CALN1: variants seen among roughly 807,000 people sequenced by gnomAD.
The protein encoded by CALN1 is calneuron 1.
CALN1 carries 17 observed loss-of-function variants against 30.6 expected under a neutral mutation model. The ratio of observed to expected loss-of-function variants is 0.56; its 90% CI spans 0.38 to 0.83. The LOEUF is 0.83. Among genes scored for constraint, CALN1 ranks in the 40% least tolerant of loss-of-function variants. CALN1 has a pLI of 0.00. For synonymous variants in CALN1, 156 were observed against 131.4 expected, an observed-to-expected ratio of 1.19 and a Z score of -1.28; for missense variants, 291 against 354.9, an observed-to-expected ratio of 0.82 and a Z score of 1.45.
In CALN1 at chr7:72,403,259, G is replaced by A. The variant is rs1328122015; in HGVS notation, c.111C>T (p.Phe37=). 5 of 1,549,250 alleles carry A rather than the reference G, an allele frequency of 3.2e-6. No homozygotes were observed. The highest frequency in any genetic ancestry group is 2.0e-5 in the Admixed American group (1 of 51,000). ...EEPPRSQAPD[F]PTWEKMPFHH... ...GGGGGAAGAAGACTTGCCAGGTGGGGAAGTCGGGGGCCTGGCTCCTCGGCG... is the reference window on the plus strand; with the variant it reads ...GGGGGAAGAAGACTTGCCAGGTGGGAAAGTCGGGGGCCTGGCTCCTCGGCG... The change falls in exon 2 of 7, where the codon TTC becomes TTT. Residue 37 remains phenylalanine (F), a synonymous_variant. Transcript: ENST00000395275.
At chr7:72,119,069 T>C (rs1161547451) in intron 3 of CALN1, among the ~76,000 whole-genome samples, 1 of 152,226 alleles carries the variant, frequency 6.6e-6, no homozygotes, top group East Asian at 1.9e-4. Context: ...GTGAACTTTC[T>C]GTGTGGTGAG....
chr7:72,074,013 A>G lies in CALN1; in HGVS notation c.388+32138T>C, dbSNP rs545449369. Among the ~76,000 whole-genome samples the G allele has an allele frequency of 3.3e-5, 5 of 152,262 alleles. No homozygotes were observed. In the East Asian group the frequency reaches 9.7e-4, roughly 29 times the overall value. ...CCTGGCCTGGTCCCTCTTTCAATAA[A>G]TATTTGATCAGCACCTATTAGGTGC... On this transcript the variant is annotated intron_variant, in intron 4 of 6. Transcript: ENST00000395275.
At chr7:72,349,205 A>G (rs924252534) in intron 2 of CALN1, among the ~76,000 whole-genome samples, 13 of 152,102 alleles carry the variant, frequency 8.5e-5, no homozygotes, top group Non-Finnish European at 1.9e-4. Flanking sequence ...AGGTGGGACA[A>G]TATCAAGCTA....
At chr7:72,144,110 G>T (rs1480634036) in intron 3 of CALN1, among the ~76,000 whole-genome samples, 1 of 152,080 alleles carries the variant, frequency 6.6e-6, no homozygotes, top group Non-Finnish European at 1.5e-5. Flanking sequence ...GACAGGATCA[G>T]ATTCACACAT....
At chr7:72,032,389 C>T (rs932274205) in intron 4 of CALN1, among the ~76,000 whole-genome samples, 1 of 152,152 alleles carries the variant, frequency 6.6e-6, no homozygotes, top group East Asian at 1.9e-4. Flanking sequence ...CAGGGTCTCA[C>T]TATGTTGCCC....
chr7:72,377,633 A>G (rs969263020), intron 2 of CALN1, among the ~76,000 whole-genome samples: 1 of 152,114 alleles, frequency 6.6e-6, no homozygotes, highest in Non-Finnish European at 1.5e-5. Flanking sequence ...CTAATTTTGT[A>G]AAGTCTGTAT....
intron 4 of CALN1, among the ~76,000 whole-genome samples, chr7:72,025,157 A>G (rs541757515): frequency 2.0e-5 from 3 of 152,216 alleles, no homozygotes; most frequent in African/African-American, 7.2e-5. Context: ...CTAAAAGTAC[A>G]AAATTAGCTG....
At chr7:72,441,797 C>T (rs900881235) in intron 1 of CALN1, among the ~76,000 whole-genome samples, 1 of 151,902 alleles carries the variant, frequency 6.6e-6, no homozygotes, top group Non-Finnish European at 1.5e-5. Context: ...GAACTCAGTT[C>T]GTCGTCTCTT....
intron 2 of CALN1, among the ~76,000 whole-genome samples, chr7:72,365,869 C>T (rs1456556997): frequency 5.9e-5 from 9 of 152,156 alleles, no homozygotes; most frequent in Admixed American, 3.3e-4. Context: ...CGTACCCTCT[C>T]GCCCAGTTGG....
chr7:72,249,074 C>G (rs1795376716), intron 3 of CALN1, among the ~76,000 whole-genome samples: 1 of 152,158 alleles, frequency 6.6e-6, no homozygotes, highest in Admixed American at 6.5e-5. Flanking sequence ...CACTGAAAAA[C>G]CACATGGGTT....
intron 2 of CALN1, among the ~76,000 whole-genome samples, chr7:72,380,695 ATACAT>A (rs201664356): frequency 6.8e-6 from 1 of 147,862 alleles, no homozygotes; most frequent in Non-Finnish European, 1.5e-5. Context: ...GGATGGATAC[ATACAT>A]TAGATTAGAT....
At chr7:71,880,287 T>C (rs1423096058) in intron 5 of CALN1, among the ~76,000 whole-genome samples, 2 of 152,226 alleles carry the variant, frequency 1.3e-5, no homozygotes, top group Non-Finnish European at 2.9e-5. Context: ...CTCCATGTGA[T>C]AGCATTCTCC....
At chr7:72,287,315 T>G (rs1013227988) in intron 2 of CALN1, among the ~76,000 whole-genome samples, 7 of 152,162 alleles carry the variant, frequency 4.6e-5, no homozygotes, top group Admixed American at 6.5e-5. Flanking sequence ...ATCATTGCTG[T>G]GCCGATCTTT....
intron 1 of CALN1, among the ~76,000 whole-genome samples, chr7:72,418,426 A>G (rs1264896663): frequency 6.6e-6 from 1 of 152,212 alleles, no homozygotes; most frequent in African/African-American, 2.4e-5. Context: ...TGCAATGAAC[A>G]TACAAGTGCA....
intron 5 of CALN1, among the ~76,000 whole-genome samples, chr7:71,847,916 G>A (rs1228498122): frequency 6.6e-6 from 1 of 152,040 alleles, no homozygotes; most frequent in Admixed American, 6.6e-5. Flanking sequence ...CACCATGTAA[G>A]AAGTGCCTTT....
chr7:71,980,368 G>T (rs1470146775), intron 5 of CALN1, among the ~76,000 whole-genome samples: 11 of 151,184 alleles, frequency 7.3e-5, no homozygotes, highest in African/African-American at 2.4e-4. Context: ...TGTATTTTTA[G>T]TAGAGACAGG....
intron 3 of CALN1, among the ~76,000 whole-genome samples, chr7:72,212,279 G>A (rs1024352701): frequency 6.6e-6 from 1 of 151,210 alleles, no homozygotes; most frequent in African/African-American, 2.4e-5. Context: ...AACCCACGAG[G>A]TGGAGGACTG....
At chr7:72,402,686 A>G (rs1806422779) in intron 2 of CALN1, among the ~76,000 whole-genome samples, 1 of 152,156 alleles carries the variant, frequency 6.6e-6, no homozygotes, top group African/African-American at 2.4e-5. Flanking sequence ...TAGCATAGAA[A>G]ACTCCTCACC....
intron 2 of CALN1, among the ~76,000 whole-genome samples, chr7:72,390,362 C>T (rs1190287728): frequency 2.0e-5 from 3 of 151,990 alleles, no homozygotes; most frequent in Non-Finnish European, 2.9e-5. Flanking sequence ...ACCTGGGAGG[C>T]AGAGGTTGTA....
Sources: allele counts gnomAD v4.1 joint callset (sites outside exome capture counted in the v4.1 genomes callset), GRCh38; gene constraint gnomAD v4.1.1; transcripts MANE v1.5; gene names NCBI Gene and HGNC (gene_info 2026-07-23, HGNC 2026-07-21).